ANGPTL5: variants seen among roughly 807,000 people sequenced by gnomAD.
ANGPTL5 encodes angiopoietin like 5, also known as angiopoietin-related protein 5.
ANGPTL5 carries 34 observed loss-of-function variants against 39.4 expected under a neutral mutation model. The ratio of observed to expected loss-of-function variants is 0.86; its 90% CI spans 0.66 to 1.15. The LOEUF is 1.15. Among genes scored for constraint, ANGPTL5 ranks in the 50% most tolerant of loss-of-function variants. The pLI, the probability that ANGPTL5 is intolerant of heterozygous loss-of-function variation, is 0.00. For synonymous variants in ANGPTL5, 146 were observed against 152.1 expected (o/e 0.96, Z 0.29); for missense variants, 467 against 457.5 (o/e 1.02, Z -0.19).
At chr11:101,892,275 G>T (rs1939713162) in intron 8 of ANGPTL5, among the ~76,000 whole-genome samples, 1 of 152,060 alleles carries the variant, frequency 6.6e-6, no homozygotes, top group South Asian at 2.1e-4. Flanking sequence ...TGTCCCCCCA[G>T]TCTGGAGTGG....
chr11:101,899,336 G>A (rs1939854016), intron 7 of ANGPTL5, among the ~76,000 whole-genome samples: 1 of 152,188 alleles, frequency 6.6e-6, no homozygotes, highest in East Asian at 1.9e-4. Flanking sequence ...CTGGCCTCAA[G>A]CAATCCACCT....
At chr11:101,901,015 C>CTTTTTTTTTTTTTTTTTTT (rs34425298) in intron 6 of ANGPTL5, among the ~76,000 whole-genome samples, 3 of 98,658 alleles carry the variant, frequency 3.0e-5, no homozygotes, top group Admixed American at 1.1e-4. Flanking sequence ...GCACCCCCGG[C>CTTTTTTTTTTTTTTTTTTT]TTTTTTTTTT....
intron 8 of ANGPTL5, among the ~76,000 whole-genome samples, chr11:101,893,685 A>G (rs1450087855): frequency 1.3e-5 from 2 of 152,206 alleles, no homozygotes; most frequent in Non-Finnish European, 2.9e-5. Flanking sequence ...AGTTCTTTGC[A>G]CTTTTAGAGA....
At chr11:101,913,611 T>G (rs1409961434) in intron 1 of ANGPTL5, among the ~76,000 whole-genome samples, 2 of 152,158 alleles carry the variant, frequency 1.3e-5, no homozygotes, top group Admixed American at 1.3e-4. Flanking sequence ...AGAAACCAAA[T>G]TATGCTTCTT....
intron 4 of ANGPTL5, among the ~76,000 whole-genome samples, 185 bp from the exon 5 acceptor site, chr11:101,905,092 C>T (rs1939974199): frequency 6.6e-6 from 1 of 152,176 alleles, no homozygotes; most frequent in African/African-American, 2.4e-5. Flanking sequence ...TATCTACCTC[C>T]TTAACGTTGA....
chr11:101,906,840 A>G (rs1940004744), intron 3 of ANGPTL5, among the ~76,000 whole-genome samples: 1 of 152,090 alleles, frequency 6.6e-6, no homozygotes, highest in African/African-American at 2.4e-5. Context: ...ATCTGTCTTA[A>G]TAGGTCTAAA....
At chr11:101,911,797 T>C (rs1940096312) in intron 1 of ANGPTL5, among the ~76,000 whole-genome samples, 1 of 152,210 alleles carries the variant, frequency 6.6e-6, no homozygotes, top group Non-Finnish European at 1.5e-5. Flanking sequence ...AACTGCCTAA[T>C]ACACCCTACC....
intron 7 of ANGPTL5, among the ~76,000 whole-genome samples, chr11:101,897,461 T>A (rs1458652187): frequency 6.6e-6 from 1 of 152,232 alleles, no homozygotes; most frequent in African/African-American, 2.4e-5. Flanking sequence ...ATTGCCTAGG[T>A]TTTCTTCTAG....
chr11:101,914,737 T>C (rs917495343), intron 1 of ANGPTL5, among the ~76,000 whole-genome samples: 3 of 152,210 alleles, frequency 2.0e-5, no homozygotes, highest in Non-Finnish European at 4.4e-5. Context: ...CTCCTCCCGG[T>C]GGCAATTGCC....
chr11:101,892,334 G>C (rs1217800980), intron 8 of ANGPTL5, among the ~76,000 whole-genome samples: 2 of 152,036 alleles, frequency 1.3e-5, no homozygotes, highest in African/African-American at 2.4e-5. Context: ...AGGGTCAAGC[G>C]ATTCTCCTGC....
chr11:101,906,103 T>A (rs755901296), intron 3 of ANGPTL5, among the ~76,000 whole-genome samples: 22 of 152,116 alleles, frequency 1.4e-4, no homozygotes, highest in Non-Finnish European at 2.6e-4. Flanking sequence ...GAATAATTAA[T>A]CTGTTATCAT....
intron 6 of ANGPTL5, 21 bp from the exon 7 acceptor site, chr11:101,900,571 A>C: frequency 6.2e-7 from 1 of 1,605,552 alleles, no homozygotes; most frequent in Non-Finnish European, 8.5e-7. Flanking sequence ...CACAGAGAAG[A>C]CCAAAATAAT....
intron 1 of ANGPTL5, among the ~76,000 whole-genome samples, chr11:101,910,422 A>T (rs34398938): frequency 0.17 from 21,115 of 127,492 alleles, 1,785 homozygotes; most frequent in East Asian, 0.48. Flanking sequence ...AAAAAAAAAA[A>T]AAATATATAT....
rs774846058 is a variant in ANGPTL5, at chr11:101,894,917, A to C, written c.809T>G (p.Phe270Cys). Residue 270 changes from phenylalanine to cysteine, a missense_variant, in exon 8 of 9, where the codon TTT (phenylalanine) becomes TGT (cysteine). Coordinates refer to ENST00000334289, the MANE Select transcript of ANGPTL5 (RefSeq NM_178127.5). ...DNFWLEDETR[F>C]FKMHLGRYSG... ...ATACCGTCCTAAGTGCATTTTAAAA[A>C]ATCTCGTTTCATCCTCTAGCCAAAA... The C allele has an allele frequency of 5.6e-6, 9 of 1,613,564 alleles. No homozygotes were observed. The highest frequency in any genetic ancestry group is 5.0e-5 in the Admixed American group (3 of 59,988).
chr11:101,907,292 G>T, intron 2 of ANGPTL5, 45 bp from the exon 3 acceptor site: 3 of 1,205,488 alleles, frequency 2.5e-6, no homozygotes, highest in Non-Finnish European at 3.5e-6. Flanking sequence ...CATTAAACAT[G>T]TTATATGACC....
At chr11:101,904,963 T>G in intron 4 of ANGPTL5, 56 bp from the exon 5 acceptor site, 6 of 1,367,666 alleles carry the variant, frequency 4.4e-6, no homozygotes, top group South Asian at 1.2e-5. Flanking sequence ...TTGCCATCTC[T>G]AAGCCTCTCA....
intron 1 of ANGPTL5, among the ~76,000 whole-genome samples, chr11:101,910,424 A>AAAATATAT (rs1469724609): frequency 1.8e-4 from 23 of 127,214 alleles, no homozygotes; most frequent in African/African-American, 6.1e-4. Context: ...AAAAAAAAAA[A>AAAATATAT]ATATATATAT....
Position 101,900,500 on chromosome 11 carries a change from T to C in ANGPTL5, c.591A>G (p.Lys197=). 2 of 1,613,224 alleles carry C rather than the reference T, an allele frequency of 1.2e-6. No homozygotes were observed. Among genetic ancestry groups the C allele is most frequent in the Non-Finnish European group, 8.5e-7 (1 of 1,179,338 alleles). ...GGAAATCAATTATCCCATCAATTCT[T>C]TTCTGTATCACAGTCCGTCCACCTC... ...YRGGGRTVIQ[K]RIDGIIDFQR... is the part of the protein sequence containing the mutation. The change falls in exon 7 of 9, where the codon AAA becomes AAG. Residue 197 remains lysine, a synonymous_variant. Transcript: ENST00000334289.
At chr11:101,912,818 C>A (rs1480539614) in intron 1 of ANGPTL5, among the ~76,000 whole-genome samples, 2 of 152,148 alleles carry the variant, frequency 1.3e-5, no homozygotes, top group East Asian at 3.9e-4. Context: ...TATCCTCTTC[C>A]TGTTGTAGTT....
Sources: allele counts gnomAD v4.1 joint callset (sites outside exome capture counted in the v4.1 genomes callset), GRCh38; gene constraint gnomAD v4.1.1; transcripts MANE v1.5; gene names NCBI Gene and HGNC (gene_info 2026-07-23, HGNC 2026-07-21).